CDH13: variants seen among roughly 807,000 people sequenced by gnomAD.
The protein encoded by CDH13 is cadherin 13.
CDH13 carries 24 observed loss-of-function variants against 63.8 expected under a neutral mutation model. The ratio of observed to expected loss-of-function variants is 0.38; its 90% CI spans 0.27 to 0.53. CDH13 has a LOEUF of 0.53. CDH13 is among the 20% of genes least tolerant of loss of function. CDH13 has a pLI of 0.85. For synonymous variants in CDH13, 503 were observed against 355.3 expected, an observed-to-expected ratio of 1.42 and a Z score of -4.67; for missense variants, 1,049 against 903.1, an observed-to-expected ratio of 1.16 and a Z score of -2.07.
intron 2 of CDH13, among the ~76,000 whole-genome samples, chr16:82,884,794 A>C (rs1047463266): frequency 4.6e-5 from 7 of 152,200 alleles, no homozygotes; most frequent in African/African-American, 1.7e-4. Context: ...TTTGGATAAA[A>C]ATCCTTTTTG....
intron 2 of CDH13, among the ~76,000 whole-genome samples, chr16:82,900,535 A>G (rs1035694513): frequency 2.0e-5 from 3 of 152,222 alleles, no homozygotes; most frequent in Non-Finnish European, 2.9e-5. Context: ...TAGAATTGAG[A>G]AAAGGATTTC....
At chr16:82,702,223 C>T (rs546495632) in intron 1 of CDH13, among the ~76,000 whole-genome samples, 4 of 152,126 alleles carry the variant, frequency 2.6e-5, no homozygotes, top group Non-Finnish European at 5.9e-5. Flanking sequence ...ACTCTGTAAA[C>T]GCAGCTCAAA....
At chr16:83,789,682 C>T (rs915017658) in intron 13 of CDH13, among the ~76,000 whole-genome samples, 18 of 152,152 alleles carry the variant, frequency 1.2e-4, no homozygotes, top group African/African-American at 4.3e-4. Flanking sequence ...AACTTCCTAA[C>T]TCAGCCATAG....
intron 1 of CDH13, among the ~76,000 whole-genome samples, chr16:82,713,163 C>T (rs977484259): frequency 1.3e-5 from 2 of 151,994 alleles, no homozygotes; most frequent in African/African-American, 2.4e-5. Flanking sequence ...TTTGGGATCC[C>T]GGTACCACCC....
At chr16:83,635,802 A>C (rs1331156523) in intron 8 of CDH13, among the ~76,000 whole-genome samples, 1 of 152,082 alleles carries the variant, frequency 6.6e-6, no homozygotes, top group African/African-American at 2.4e-5. Context: ...AAAAGTTTTT[A>C]ATTTCATGCA....
At chr16:83,292,996 C>A (rs1449529286) in intron 5 of CDH13, among the ~76,000 whole-genome samples, 1 of 152,194 alleles carries the variant, frequency 6.6e-6, no homozygotes, top group Admixed American at 6.5e-5. Flanking sequence ...TAATTAAACA[C>A]ATCTTTTGGA....
chr16:83,072,606 T>C (rs2032520377), intron 3 of CDH13, among the ~76,000 whole-genome samples: 1 of 152,214 alleles, frequency 6.6e-6, no homozygotes, highest in African/African-American at 2.4e-5. Flanking sequence ...GATATGAGTC[T>C]TCTTTTACCA....
intron 2 of CDH13, among the ~76,000 whole-genome samples, chr16:82,885,792 G>T (rs1375136577): frequency 2.0e-5 from 3 of 152,010 alleles, no homozygotes; most frequent in African/African-American, 7.3e-5. Flanking sequence ...ACGTTTTTAT[G>T]CTTCTATGGC....
intron 11 of CDH13, among the ~76,000 whole-genome samples, chr16:83,779,063 C>G (rs1341806760): frequency 6.6e-6 from 1 of 152,152 alleles, no homozygotes; most frequent in East Asian, 1.9e-4. Flanking sequence ...TAGTGTGTGT[C>G]AGAAGCTTAG....
At chr16:83,014,832 ATATATATTTGTATATATATATTTG>A (rs1914587364) in intron 2 of CDH13, among the ~76,000 whole-genome samples, 2 of 124,004 alleles carry the variant, frequency 1.6e-5, no homozygotes, top group Admixed American at 1.9e-4. Context: ...ATATATTTGT[ATATATATTTGTATATATATATTTG>A]TATATATATA....
At chr16:83,723,478 C>T (rs1477916476) in intron 10 of CDH13, among the ~76,000 whole-genome samples, 1 of 152,180 alleles carries the variant, frequency 6.6e-6, no homozygotes. Context: ...GCTCCCTCTG[C>T]CTGGAATGTT....
chr16:82,990,557 T>C (rs1315594894), intron 2 of CDH13, among the ~76,000 whole-genome samples: 1 of 151,348 alleles, frequency 6.6e-6, no homozygotes, highest in African/African-American at 2.4e-5. Context: ...GTTTTTTTTT[T>C]TTTTTTAGAG....
intron 7 of CDH13, among the ~76,000 whole-genome samples, chr16:83,493,333 A>T (rs569446715): frequency 2.0e-5 from 3 of 152,340 alleles, no homozygotes; most frequent in African/African-American, 7.2e-5. Flanking sequence ...TGAATGAAAG[A>T]CAGAGCTAAT....
intron 1 of CDH13, among the ~76,000 whole-genome samples, chr16:82,761,222 T>A (rs559583872): frequency 6.6e-6 from 1 of 151,702 alleles, no homozygotes; most frequent in African/African-American, 2.4e-5. Context: ...TTCACCATAT[T>A]GGCCAGGCTG....
At chr16:83,336,300 C>CAAAAAAAA (rs376325733) in intron 5 of CDH13, among the ~76,000 whole-genome samples, 10 of 48,998 alleles carry the variant, frequency 2.0e-4, no homozygotes, top group African/African-American at 6.2e-4. Context: ...GACTCCATCT[C>CAAAAAAAA]AAAAAAAAAA....
chr16:83,036,589 C>A (rs527492340), intron 3 of CDH13, among the ~76,000 whole-genome samples: 52 of 152,226 alleles, frequency 3.4e-4, no homozygotes, highest in South Asian at 2.7e-3. Flanking sequence ...TTGTCAGGAC[C>A]AGCTCAGTGC....
chr16:83,748,132 A>C lies in CDH13; in HGVS notation c.1563A>C (p.Ala521=). The C allele has an allele frequency of 6.2e-7, 1 of 1,613,974 alleles. No homozygotes were observed. The highest frequency in any genetic ancestry group is 8.5e-7 in the Non-Finnish European group (1 of 1,179,876). The change falls in exon 11 of 14, where the codon GCA becomes GCC. Residue 521 remains alanine (A), a synonymous_variant. Transcript: ENST00000567109. The part of the protein sequence containing the change: ...TIRYSVYKDP[A]GWLNINPING... ...GGTATTCTGTTTACAAGGACCCAGCAGGTTGGCTGAATATTAACCCCATCA... is the reference window on the plus strand; with the variant it reads ...GGTATTCTGTTTACAAGGACCCAGCCGGTTGGCTGAATATTAACCCCATCA...
intron 7 of CDH13, among the ~76,000 whole-genome samples, chr16:83,512,245 C>T (rs546631916): frequency 2.1e-4 from 32 of 150,974 alleles, no homozygotes; most frequent in Middle Eastern, 3.4e-3. Context: ...GGCGTGAACC[C>T]GGGAGGCGAA....
At chr16:83,349,461 C>T (rs2090906019) in intron 6 of CDH13, among the ~76,000 whole-genome samples, 1 of 152,134 alleles carries the variant, frequency 6.6e-6, no homozygotes, top group Non-Finnish European at 1.5e-5. Flanking sequence ...GCATGTCAGG[C>T]TCCCACAGAA....
Sources: allele counts gnomAD v4.1 joint callset (sites outside exome capture counted in the v4.1 genomes callset), GRCh38; gene constraint gnomAD v4.1.1; transcripts MANE v1.5; gene names NCBI Gene and HGNC (gene_info 2026-07-23, HGNC 2026-07-21).